OSBPL1A: variants seen among roughly 807,000 people sequenced by gnomAD.
OSBPL1A encodes oxysterol-binding protein-related protein 1.
A neutral mutation model predicts 137.1 loss-of-function variants in OSBPL1A; 80 were observed. The observed-to-expected ratio is 0.58, with a 90% confidence interval of 0.49 to 0.70. OSBPL1A has a LOEUF of 0.70. OSBPL1A is among the 30% of genes least tolerant of loss of function. The pLI, the probability that OSBPL1A is intolerant of heterozygous loss-of-function variation, is 0.00. For synonymous variants in OSBPL1A, 365 were observed against 389.7 expected, an observed-to-expected ratio of 0.94 and a Z score of 0.75; for missense variants, 970 against 1,129.4, an observed-to-expected ratio of 0.86 and a Z score of 2.02.
At chr18:24,362,338 C>G (rs560134506) in intron 4 of OSBPL1A, among the ~76,000 whole-genome samples, 11 of 152,196 alleles carry the variant, frequency 7.2e-5, no homozygotes, top group Admixed American at 3.3e-4. Flanking sequence ...AGAAATTAAC[C>G]ACAACCTTTA....
intron 1 of OSBPL1A, among the ~76,000 whole-genome samples, chr18:24,394,099 G>A (rs113994324): frequency 0.016 from 2,369 of 152,254 alleles, 67 homozygotes; most frequent in African/African-American, 0.054. Context: ...CAGGAGAAAT[G>A]ATGGAGAATT....
At chr18:24,356,062 G>A (rs546750250) in intron 4 of OSBPL1A, among the ~76,000 whole-genome samples, 4 of 151,820 alleles carry the variant, frequency 2.6e-5, no homozygotes, top group Non-Finnish European at 5.9e-5. Flanking sequence ...TGTAATCCCA[G>A]CTACTTGGGA....
intron 14 of OSBPL1A, among the ~76,000 whole-genome samples, chr18:24,292,583 C>G (rs1390865071): frequency 6.6e-6 from 1 of 152,106 alleles, no homozygotes; most frequent in Non-Finnish European, 1.5e-5. Context: ...ATGCCAAGTT[C>G]TGTTGAGGTA....
At chr18:24,394,695 CA>C (rs1250179164) in intron 1 of OSBPL1A, among the ~76,000 whole-genome samples, 3 of 152,152 alleles carry the variant, frequency 2.0e-5, no homozygotes, top group African/African-American at 7.2e-5. Flanking sequence ...CAATTAAACT[CA>C]TGTATAATAA....
chr18:24,288,783 T>C (rs1467862453), intron 14 of OSBPL1A, among the ~76,000 whole-genome samples: 3 of 127,758 alleles, frequency 2.3e-5, no homozygotes, highest in African/African-American at 5.5e-5. Context: ...AAAAAAAAAT[T>C]GTGGAGGCAG....
chr18:24,163,082 T>G lies in OSBPL1A; in HGVS notation c.*97A>C. 1 of 869,328 alleles carries G rather than the reference T, an allele frequency of 1.2e-6. No individual in the cohort carries two copies. Among genetic ancestry groups the G allele is most frequent in the Non-Finnish European group, 1.7e-6 (1 of 579,696 alleles). The allele number at this position is 869,328 out of a possible 1,614,324, so 53.9% of individuals were successfully genotyped here. Reference sequence around the variant, plus strand: ...TCTCATGAGTGTTTTTTCATTTTTTTTTTTAAAAGATAAGTAGAAACCAAG... The same window carrying G: ...TCTCATGAGTGTTTTTTCATTTTTTGTTTTAAAAGATAAGTAGAAACCAAG... On this transcript the variant is annotated 3_prime_UTR_variant, in exon 28 of 28. Transcript: ENST00000319481.
At chr18:24,245,049 C>T (rs77217577) in intron 15 of OSBPL1A, among the ~76,000 whole-genome samples, 2,506 of 152,190 alleles carry the variant, frequency 0.016, 72 homozygotes, top group African/African-American at 0.058. Context: ...TTCGCTAGTG[C>T]ATGGATGGCT....
At chr18:24,270,413 G>C (rs1195353299) in intron 15 of OSBPL1A, among the ~76,000 whole-genome samples, 1 of 152,076 alleles carries the variant, frequency 6.6e-6, no homozygotes, top group Admixed American at 6.5e-5. Context: ...CACAACTGGG[G>C]GCAAAGAAAT....
At chr18:24,366,864 C>A (rs1389366706) in intron 4 of OSBPL1A, 28 bp downstream of exon 4, 1 of 1,599,572 alleles carries the variant, frequency 6.3e-7, no homozygotes, top group Non-Finnish European at 8.5e-7. Context: ...ACCTCACTTA[C>A]AAACATTGAA....
chr18:24,247,037 A>T (rs900089034), intron 15 of OSBPL1A, among the ~76,000 whole-genome samples: 1 of 152,172 alleles, frequency 6.6e-6, no homozygotes, highest in African/African-American at 2.4e-5. Flanking sequence ...TTAAGTTTTT[A>T]AAATTAAATT....
intron 1 of OSBPL1A, among the ~76,000 whole-genome samples, chr18:24,396,239 AG>A (rs1450755772): frequency 3.3e-5 from 5 of 149,610 alleles, no homozygotes; most frequent in Non-Finnish European, 5.9e-5. Flanking sequence ...AAAAAAAAAA[AG>A]AGACAGAGAA....
intron 16 of OSBPL1A, 101 bp from the exon 17 acceptor site, chr18:24,225,299 A>G: frequency 2.4e-6 from 3 of 1,276,502 alleles, no homozygotes; most frequent in African/African-American, 1.5e-5. Flanking sequence ...AAACCTAAGC[A>G]GCCTACTTTG....
At chr18:24,239,034 A>G (rs761985325) in intron 16 of OSBPL1A, among the ~76,000 whole-genome samples, 186 bp downstream of exon 16, 2 of 152,208 alleles carry the variant, frequency 1.3e-5, no homozygotes, top group African/African-American at 4.8e-5. Flanking sequence ...CCACACTTTC[A>G]GACACCAGCC....
chr18:24,226,251 G>A (rs370028073), intron 16 of OSBPL1A, among the ~76,000 whole-genome samples: 29 of 152,274 alleles, frequency 1.9e-4, no homozygotes, highest in African/African-American at 7.0e-4. Flanking sequence ...AGGTGAGGTA[G>A]GACAATGTGG....
chr18:24,211,173 G>T (rs1278867381), intron 17 of OSBPL1A, among the ~76,000 whole-genome samples: 2 of 151,536 alleles, frequency 1.3e-5, no homozygotes. Flanking sequence ...CACCAGGTTG[G>T]CCAGGCTGGT....
intron 1 of OSBPL1A, among the ~76,000 whole-genome samples, chr18:24,386,129 G>C (rs1906948786): frequency 6.6e-6 from 1 of 152,034 alleles, no homozygotes; most frequent in Admixed American, 6.6e-5. Flanking sequence ...GGAGGAGAGA[G>C]GACTCTTCCT....
intron 16 of OSBPL1A, among the ~76,000 whole-genome samples, chr18:24,231,478 T>C (rs1230440914): frequency 1.3e-5 from 2 of 152,070 alleles, no homozygotes; most frequent in Non-Finnish European, 2.9e-5. Flanking sequence ...TTAGTAGAGA[T>C]GGGGTTTCAC....
Position 24,277,724 on chromosome 18 carries a change from C to T in OSBPL1A, c.1281+3118G>A, listed in dbSNP as rs1962238. ...AATTACACCACTCTGACCTCGATTA[C>T]GCTGTTAAATTCCTATGTTGTAATC... On this transcript the variant is annotated intron_variant, in intron 15 of 27. Transcript: ENST00000319481. 1.0e-3 allele frequency among the ~76,000 whole-genome samples: 152 copies of T among 152,268 alleles called. 1 individual carries two copies. The highest frequency in any genetic ancestry group is 3.6e-3 in the African/African-American group (149 of 41,550).
rs1364680445 is a variant in OSBPL1A, at chr18:24,239,298, C to G, written c.1366G>C (p.Glu456Gln). Residue 456 changes from glutamate to glutamine, a missense_variant, in exon 16 of 28, where the codon GAA becomes CAA. Physicochemically the swap from Glu to Gln is conservative, Grantham distance 29 (BLOSUM62 2). This residue lies in a region of OSBPL1A where 647 missense variants were observed against 672.6 expected (regional missense o/e 0.96). Coordinates refer to ENST00000319481, the MANE Select transcript of OSBPL1A (RefSeq NM_080597.4). ...ALETLATEHH[E>Q]LEQSLVKGSP... ...CCTTTCACCAGAGACTGCTCTAATT[C>G]ATGATGTTCAGTGGCCAGCGTCTCC... 2.5e-6 allele frequency: 4 copies of G among 1,614,016 alleles called. No individual in the cohort carries two copies. Among genetic ancestry groups the G allele is most frequent in the African/African-American group, 1.3e-5 (1 of 74,918 alleles).
Sources: gnomAD v4.1 joint callset for allele counts (sites outside exome capture counted in the v4.1 genomes callset) on GRCh38, gnomAD v4.1.1 for gene constraint, gnomAD v4.1.1 regional missense constraint, MANE v1.5 for transcripts, NCBI Gene and HGNC (gene_info 2026-07-23, HGNC 2026-07-21) for gene names.